SPPL3: variants seen among roughly 807,000 people sequenced by gnomAD.
The protein encoded by SPPL3 is signal peptide peptidase like 3, also known as signal peptide peptidase-like 3.
In SPPL3, 5 loss-of-function variants were observed where a neutral mutation model predicts 42.4. That is an observed-to-expected ratio of 0.12 (90% CI 0.06 to 0.25). The LOEUF (loss-of-function observed/expected upper bound fraction) is 0.25. SPPL3 is among the 10% of genes least tolerant of loss of function. The pLI is 1.00. For missense variants in SPPL3, 235 were observed against 489.0 expected, an observed-to-expected ratio of 0.48 and a Z score of 4.90; for synonymous variants, 195 against 181.8, an observed-to-expected ratio of 1.07 and a Z score of -0.58.
intron 2 of SPPL3, among the ~76,000 whole-genome samples, chr12:120,795,698 T>G (rs1208959166): frequency 6.6e-6 from 1 of 152,186 alleles, no homozygotes; most frequent in East Asian, 1.9e-4. Context: ...TGGTGTAGTT[T>G]TCTTCATGTT....
intron 6 of SPPL3, among the ~76,000 whole-genome samples, chr12:120,773,607 T>C (rs1282382718): frequency 6.6e-6 from 1 of 152,132 alleles, no homozygotes; most frequent in Non-Finnish European, 1.5e-5. Flanking sequence ...CTGTGACACA[T>C]GTAGACGACC....
intron 3 of SPPL3, among the ~76,000 whole-genome samples, chr12:120,786,147 G>C (rs1463512763): frequency 6.6e-6 from 1 of 152,144 alleles, no homozygotes; most frequent in African/African-American, 2.4e-5. Context: ...ATTCACTTAG[G>C]AATAGGACAA....
At chr12:120,765,692 G>C (rs1326121737) in intron 10 of SPPL3, among the ~76,000 whole-genome samples, 9 of 151,468 alleles carry the variant, frequency 5.9e-5, no homozygotes. Flanking sequence ...CCTAGAAGGG[G>C]TGCTTTTAGG....
intron 2 of SPPL3, among the ~76,000 whole-genome samples, chr12:120,802,222 G>A (rs1435279205): frequency 6.6e-6 from 1 of 151,766 alleles, no homozygotes; most frequent in East Asian, 1.9e-4. Flanking sequence ...CTTATATTTA[G>A]GTATTAGGTT....
chr12:120,887,398 T>C lies in SPPL3; in HGVS notation c.23+16447A>G, dbSNP rs149568399. On this transcript the variant is annotated intron_variant, in intron 1 of 10. Transcript: ENST00000353487. ...CTAACTCCTCCAGTGATTATCCTCC[T>C]GGCAAAGAACTGACACATCAAGGCA... Among the ~76,000 whole-genome samples the C allele has an allele frequency of 1.8e-3, 281 of 152,208 alleles. 1 individual carries two copies. The highest frequency in any genetic ancestry group is 6.3e-3 in the African/African-American group (262 of 41,532).
chr12:120,812,275 C>T (rs1870710668), intron 1 of SPPL3, among the ~76,000 whole-genome samples: 1 of 151,972 alleles, frequency 6.6e-6, no homozygotes, highest in Admixed American at 6.6e-5. Context: ...GCTGGGATTA[C>T]AGGCATGCAC....
At chr12:120,819,287 T>C (rs73229142) in intron 1 of SPPL3, among the ~76,000 whole-genome samples, 4,791 of 152,336 alleles carry the variant, frequency 0.031, 114 homozygotes, top group Non-Finnish European at 0.053. Context: ...GTGAATCTTT[T>C]ACCCATGGAT....
At chr12:120,880,846 T>C (rs1873256475) in intron 1 of SPPL3, among the ~76,000 whole-genome samples, 1 of 150,572 alleles carries the variant, frequency 6.6e-6, no homozygotes, top group South Asian at 2.1e-4. Context: ...ATCCAGAATA[T>C]ACTAATAACT....
intron 1 of SPPL3, among the ~76,000 whole-genome samples, chr12:120,897,520 A>T (rs572688212): frequency 6.6e-6 from 1 of 151,962 alleles, no homozygotes; most frequent in Admixed American, 6.6e-5. Flanking sequence ...TCAGGAGATC[A>T]AGACCATCCT....
At chr12:120,796,689 C>A (rs1210793369) in intron 2 of SPPL3, among the ~76,000 whole-genome samples, 1 of 152,104 alleles carries the variant, frequency 6.6e-6, no homozygotes, top group South Asian at 2.1e-4. Flanking sequence ...TTAGGTGGGT[C>A]TGAAGCAGTG....
intron 1 of SPPL3, among the ~76,000 whole-genome samples, chr12:120,896,895 G>T (rs1292399558): frequency 7.2e-5 from 11 of 151,996 alleles, no homozygotes; most frequent in Non-Finnish European, 1.5e-5. Context: ...ATCAAAAATA[G>T]ATTATAGAAT....
At chr12:120,901,664 T>A (rs1021500487) in intron 1 of SPPL3, among the ~76,000 whole-genome samples, 7 of 150,320 alleles carry the variant, frequency 4.7e-5, no homozygotes, top group Non-Finnish European at 4.4e-5. Context: ...TCTCTCCAGA[T>A]AATGTAAAAA....
intron 6 of SPPL3, among the ~76,000 whole-genome samples, chr12:120,781,096 T>C (rs1455063922): frequency 1.3e-5 from 2 of 152,024 alleles, no homozygotes; most frequent in East Asian, 1.9e-4. Flanking sequence ...CTTCAAAGAG[T>C]TGTTCTGAGG....
intron 1 of SPPL3, 111 bp downstream of exon 1, chr12:120,903,734 C>T: frequency 3.3e-6 from 2 of 608,590 alleles, no homozygotes; most frequent in Non-Finnish European, 5.1e-6. Flanking sequence ...CAACCCGCGC[C>T]CCCCCCCCAC....
intron 1 of SPPL3, among the ~76,000 whole-genome samples, chr12:120,828,767 T>C (rs547587370): frequency 6.6e-6 from 1 of 152,294 alleles, no homozygotes; most frequent in Admixed American, 6.5e-5. Flanking sequence ...TCTTTTTTGT[T>C]TGTGTTAGAG....
At chr12:120,840,773 A>T (rs1046257620) in intron 1 of SPPL3, among the ~76,000 whole-genome samples, 1 of 151,794 alleles carries the variant, frequency 6.6e-6, no homozygotes, top group African/African-American at 2.4e-5. Context: ...CGGAGGTTGC[A>T]GTGAGACAAG....
At chr12:120,843,283 C>G (rs1403114572) in intron 1 of SPPL3, among the ~76,000 whole-genome samples, 1 of 152,220 alleles carries the variant, frequency 6.6e-6, no homozygotes, top group Admixed American at 6.5e-5. Flanking sequence ...TACATCTATT[C>G]TTGATACAAT....
At position 120,904,154 on chromosome 12, in the gene SPPL3, G is replaced by T; in HGVS notation, c.-287C>A. ...GCAGCTCCAAACCCAACATGGCGGC[G>T]GCGGCGGCGCGGAGAACAAGGGGGC... On this transcript the variant is annotated 5_prime_UTR_variant, in exon 1 of 11. Coordinates refer to ENST00000353487, the MANE Select transcript of SPPL3 (RefSeq NM_139015.5). 3.4e-6 allele frequency: 1 copy of T among 290,308 alleles called. No homozygotes were observed. Among genetic ancestry groups the T allele is most frequent in the Non-Finnish European group, 6.3e-6 (1 of 158,208 alleles). 18.0% of individuals were successfully genotyped at this position (290,308 alleles called of 1,614,324 possible).
intron 1 of SPPL3, among the ~76,000 whole-genome samples, chr12:120,868,238 G>A (rs971294388): frequency 4.0e-5 from 6 of 151,634 alleles, no homozygotes; most frequent in Non-Finnish European, 5.9e-5. Context: ...CCTGGGTGAC[G>A]GAGCAAGACC....
Sources: gnomAD v4.1 joint callset for allele counts (sites outside exome capture counted in the v4.1 genomes callset) on GRCh38, gnomAD v4.1.1 for gene constraint, MANE v1.5 for transcripts, NCBI Gene and HGNC (gene_info 2026-07-23, HGNC 2026-07-21) for gene names.